The following RTF2 variants were observed in gnomAD, a reference collection of about 807,000 sequenced individuals.
The protein encoded by RTF2 is UPF0549 protein C20orf43.
A neutral mutation model predicts 38.0 loss-of-function variants in RTF2; 18 were observed. That is an observed-to-expected ratio of 0.47 (90% CI 0.33 to 0.70). The LOEUF (loss-of-function observed/expected upper bound fraction) is 0.70. Ranked by LOEUF, RTF2 falls within the 30% of genes least tolerant of loss-of-function variation. The probability of loss-of-function intolerance (pLI) is 0.02; values close to 1 mark genes in which losing one functional copy is unlikely to be tolerated. For synonymous variants in RTF2, 126 were observed against 137.1 expected, an observed-to-expected ratio of 0.92 and a Z score of 0.57; for missense variants, 311 against 379.6, an observed-to-expected ratio of 0.82 and a Z score of 1.50.
intron 5 of RTF2, among the ~76,000 whole-genome samples, chr20:56,506,307 C>T (rs1382979430): frequency 6.6e-6 from 1 of 152,104 alleles, no homozygotes; most frequent in African/African-American, 2.4e-5. Context: ...CACTCATTTA[C>T]TCTAAGCCAT....
chr20:56,474,818 G>A lies in RTF2; in HGVS notation c.258+47G>A. On this transcript the variant is annotated intron_variant, in intron 3 of 8. Transcript: ENST00000357348. Reference sequence around the variant, plus strand: ...TGCTGTGAGGGTCTGAACAGTGGCTGAGGTTTATTTTATAGAATTTATACG... The same window carrying A: ...TGCTGTGAGGGTCTGAACAGTGGCTAAGGTTTATTTTATAGAATTTATACG... 4.0e-6 allele frequency: 5 copies of A among 1,246,884 alleles called. No individual in the cohort carries two copies. In the South Asian group the frequency reaches 5.3e-5, roughly 13 times the overall value. The allele number at this position is 1,246,884 out of a possible 1,614,324, so 77.2% of individuals were successfully genotyped here.
Position 56,489,224 on chromosome 20 carries a change from T to TA in RTF2, c.477+5035_477+5036insA, listed in dbSNP as rs1175773808. Reference sequence around the variant, plus strand: ...GCGCCCACCACCATGCCTGGTTATTTTTTTTTTTTTTTTGTATTTTTAGTA... The same window carrying TA: ...GCGCCCACCACCATGCCTGGTTATTTATTTTTTTTTTTTTGTATTTTTAGTA... On this transcript the variant is annotated intron_variant, in intron 5 of 8. Transcript: ENST00000357348. Among the ~76,000 whole-genome samples, 15 of 148,548 alleles carry TA rather than the reference T, an allele frequency of 1.0e-4. No individual in the cohort carries two copies. The East Asian group carries it at 1.8e-3, about 17-fold the overall frequency.
At chr20:56,472,236 A>G in intron 1 of RTF2, 1 of 801,020 alleles carries the variant, frequency 1.2e-6, no homozygotes, top group East Asian at 2.7e-5. Flanking sequence ...ATAAATTAAT[A>G]AAATAAATTC....
At chr20:56,505,931 T>G (rs1433962422) in intron 5 of RTF2, among the ~76,000 whole-genome samples, 1 of 151,802 alleles carries the variant, frequency 6.6e-6, no homozygotes, top group African/African-American at 2.4e-5. Flanking sequence ...TACAGTGGGG[T>G]TTTTTTATGT....
In RTF2 at chr20:56,499,840, G is replaced by C. The variant is rs529474254; in HGVS notation, c.478-13475G>C. On this transcript the variant is annotated intron_variant, in intron 5 of 8. Transcript: ENST00000357348. ...CAACCTCTGCCTCCCCGGTTGAAGC[G>C]ATTCTCCTGCCTCAGCCTCCTGAGT... is the stretch of plus-strand genomic sequence containing the variant. Among the ~76,000 whole-genome samples the C allele has an allele frequency of 1.6e-4, 25 of 152,060 alleles. No homozygotes were observed. The East Asian group carries it at 3.7e-3, about 22-fold the overall frequency.
intron 5 of RTF2, among the ~76,000 whole-genome samples, chr20:56,503,225 T>A (rs1984037738): frequency 6.6e-6 from 1 of 152,238 alleles, no homozygotes; most frequent in African/African-American, 2.4e-5. Context: ...TTGAGTTACT[T>A]GAGATGAGTT....
chr20:56,482,063 TCTC>T (rs1658515527), intron 4 of RTF2, among the ~76,000 whole-genome samples: 1 of 152,194 alleles, frequency 6.6e-6, no homozygotes, highest in African/African-American at 2.4e-5. Flanking sequence ...GTCAGTCTCT[TCTC>T]CTTTTTCTCT....
intron 5 of RTF2, among the ~76,000 whole-genome samples, chr20:56,509,320 A>G (rs1984485611): frequency 6.6e-6 from 1 of 152,186 alleles, no homozygotes; most frequent in African/African-American, 2.4e-5. Context: ...GATGGTTATA[A>G]CTAAAAGGAA....
chr20:56,515,823 C>T (rs754456671), intron 6 of RTF2: 5 of 152,216 alleles, frequency 3.3e-5, no homozygotes, highest in Non-Finnish European at 7.3e-5. Flanking sequence ...CTAACATGCT[C>T]CTCTCTGCAA....
chr20:56,503,662 C>T (rs1269890524), intron 5 of RTF2, among the ~76,000 whole-genome samples: 14 of 152,116 alleles, frequency 9.2e-5, no homozygotes, highest in Admixed American at 9.2e-4. Context: ...ACATAATTTA[C>T]TTCAAAAAGT....
intron 5 of RTF2, among the ~76,000 whole-genome samples, chr20:56,506,848 C>T (rs1168920579): frequency 1.3e-5 from 2 of 152,098 alleles, no homozygotes; most frequent in Non-Finnish European, 2.9e-5. Flanking sequence ...CTACAGGCGC[C>T]CACCACCATG....
At chr20:56,509,898 G>A (rs1002230932) in intron 5 of RTF2, among the ~76,000 whole-genome samples, 1 of 151,834 alleles carries the variant, frequency 6.6e-6, no homozygotes, top group African/African-American at 2.4e-5. Flanking sequence ...ATTCATAGAT[G>A]AAACTTTATT....
chr20:56,501,685 C>G (rs1983937909), intron 5 of RTF2, among the ~76,000 whole-genome samples: 1 of 152,074 alleles, frequency 6.6e-6, no homozygotes, highest in South Asian at 2.1e-4. Context: ...GACCCCTTCT[C>G]TACCAAAAAA....
intron 5 of RTF2, chr20:56,496,569 C>T (rs1426182630): frequency 3.5e-6 from 5 of 1,419,000 alleles, no homozygotes; most frequent in Non-Finnish European, 4.7e-6. Flanking sequence ...GTCAATCAAT[C>T]AATCAATCAA....
chr20:56,503,357 T>C (rs1984046633), intron 5 of RTF2, among the ~76,000 whole-genome samples: 1 of 152,206 alleles, frequency 6.6e-6, no homozygotes, highest in Non-Finnish European at 1.5e-5. Flanking sequence ...AAGAAAACTT[T>C]ATTTTAGGAT....
intron 3 of RTF2, 108 bp from the exon 4 acceptor site, chr20:56,476,877 A>G (rs1982273250): frequency 1.0e-6 from 1 of 980,726 alleles, no homozygotes; most frequent in African/African-American, 1.6e-5. Flanking sequence ...TGTGAGGGAG[A>G]GGTTTTGATG....
At position 56,497,373 on chromosome 20, in the gene RTF2, TG is replaced by T. The variant is rs1435730250; in HGVS notation, c.477+13185del. On this transcript the variant is annotated intron_variant, in intron 5 of 8. Coordinates refer to ENST00000357348, the MANE Select transcript of RTF2 (RefSeq NM_016407.5). ...GTTTCCTGGTGTGTGTAAATGAGCATGTATTTCAGATTTATGAGGGGTTTTG... is the reference window on the plus strand; with the variant it reads ...GTTTCCTGGTGTGTGTAAATGAGCATTATTTCAGATTTATGAGGGGTTTTG... 4.5e-6 allele frequency: 7 copies of T among 1,549,868 alleles called. No individual in the cohort carries two copies. The South Asian group carries it at 8.4e-5, about 19-fold the overall frequency.
Position 56,518,085 on chromosome 20 carries a change from A to G in RTF2, c.743-2A>G. 6.2e-7 allele frequency: 1 copy of G among 1,602,974 alleles called. No homozygotes were observed. Among genetic ancestry groups the G allele is most frequent in the Non-Finnish European group, 8.5e-7 (1 of 1,176,558 alleles). ...GACAGTTTTGGCTCTTCATTTTTCTAGCAATGAATGAGAGCTCTTCTGGAA... is the reference window on the plus strand; with the variant it reads ...GACAGTTTTGGCTCTTCATTTTTCTGGCAATGAATGAGAGCTCTTCTGGAA... On this transcript the variant is annotated splice_acceptor_variant, in intron 8 of 8. Coordinates refer to ENST00000357348, the MANE Select transcript of RTF2 (RefSeq NM_016407.5). LOFTEE classifies it high-confidence loss of function.
At chr20:56,504,577 G>A (rs1175940142) in intron 5 of RTF2, among the ~76,000 whole-genome samples, 4 of 152,202 alleles carry the variant, frequency 2.6e-5, no homozygotes. Flanking sequence ...TCGCCCCCAA[G>A]GGTGAGTCTG....
Sources: allele counts gnomAD v4.1 joint callset (sites outside exome capture counted in the v4.1 genomes callset), GRCh38; gene constraint gnomAD v4.1.1; transcripts MANE v1.5; gene names NCBI Gene and HGNC (gene_info 2026-07-23, HGNC 2026-07-21).